The following CDH12 variants were observed in gnomAD, a reference collection of about 807,000 sequenced individuals.
CDH12 encodes the protein cadherin 12, also known as cadherin-12.
CDH12 carries 41 observed loss-of-function variants against 74.1 expected under a neutral mutation model. The ratio of observed to expected loss-of-function variants is 0.55; its 90% confidence interval spans 0.43 to 0.72. The LOEUF (loss-of-function observed/expected upper bound fraction) is 0.72. Ranked by LOEUF, CDH12 falls within the 30% of genes least tolerant of loss-of-function variation. CDH12 has a pLI of 0.00. For synonymous variants in CDH12, 399 were observed against 355.0 expected, an observed-to-expected ratio of 1.12 and a Z score of -1.39; for missense variants, 945 against 977.2, an observed-to-expected ratio of 0.97 and a Z score of 0.44.
At chr5:22,494,899 T>A (rs1373943066) in intron 2 of CDH12, among the ~76,000 whole-genome samples, 1 of 152,338 alleles carries the variant, frequency 6.6e-6, no homozygotes, top group Admixed American at 6.5e-5. Flanking sequence ...GATACATTCA[T>A]GCGTACCTTT....
At chr5:22,404,748 A>G (rs962687285) in intron 3 of CDH12, among the ~76,000 whole-genome samples, 2 of 152,210 alleles carry the variant, frequency 1.3e-5, no homozygotes, top group East Asian at 1.9e-4. Flanking sequence ...AGAGGCCTGC[A>G]TTTAAGGAAT....
chr5:21,789,639 T>C (rs1445960215), intron 10 of CDH12, among the ~76,000 whole-genome samples: 1 of 152,140 alleles, frequency 6.6e-6, no homozygotes, highest in Non-Finnish European at 1.5e-5. Context: ...CATACTCTTT[T>C]CTTGTGAATT....
At chr5:22,108,094 G>A (rs553536414) in intron 4 of CDH12, among the ~76,000 whole-genome samples, 1 of 152,256 alleles carries the variant, frequency 6.6e-6, no homozygotes, top group Admixed American at 6.5e-5. Context: ...AATTTGAATT[G>A]TAATAATCCC....
intron 3 of CDH12, among the ~76,000 whole-genome samples, chr5:22,304,964 C>G (rs1738039977): frequency 1.3e-5 from 2 of 152,120 alleles, no homozygotes; most frequent in South Asian, 4.1e-4. Context: ...TAGAAGGCCC[C>G]AAGGTGTGTG....
At chr5:22,435,274 C>T (rs935707771) in intron 2 of CDH12, among the ~76,000 whole-genome samples, 4 of 152,208 alleles carry the variant, frequency 2.6e-5, no homozygotes, top group African/African-American at 9.6e-5. Context: ...TGCCCTCGAA[C>T]ATCGGACTCC....
chr5:22,254,912 G>T (rs1336663878), intron 3 of CDH12, among the ~76,000 whole-genome samples: 1 of 151,696 alleles, frequency 6.6e-6, no homozygotes, highest in Non-Finnish European at 1.5e-5. Flanking sequence ...CAATCTTTTA[G>T]TTATTTTGAA....
chr5:21,874,876 T>C (rs1751846633), intron 6 of CDH12, among the ~76,000 whole-genome samples: 1 of 152,148 alleles, frequency 6.6e-6, no homozygotes, highest in African/African-American at 2.4e-5. Context: ...AGGTATAACA[T>C]TCATGCATGG....
At chr5:22,475,595 G>A (rs1746134819) in intron 2 of CDH12, among the ~76,000 whole-genome samples, 1 of 151,990 alleles carries the variant, frequency 6.6e-6, no homozygotes, top group African/African-American at 2.4e-5. Flanking sequence ...CAATGCAAGT[G>A]AAGTTAAATC....
chr5:22,012,955 C>T (rs1429238410), intron 5 of CDH12, among the ~76,000 whole-genome samples: 1 of 144,488 alleles, frequency 6.9e-6, no homozygotes, highest in Non-Finnish European at 1.5e-5. Flanking sequence ...AATGCAGATG[C>T]CATGTTTTCA....
chr5:22,686,847 G>A (rs198794), intron 1 of CDH12, among the ~76,000 whole-genome samples: 10,052 of 152,118 alleles, frequency 0.066, 641 homozygotes, highest in African/African-American at 0.16. Context: ...TCTAACCCAA[G>A]GGTTGTCTGC....
At chr5:22,015,697 C>A (rs926149415) in intron 5 of CDH12, among the ~76,000 whole-genome samples, 2 of 152,090 alleles carry the variant, frequency 1.3e-5, no homozygotes, top group African/African-American at 2.4e-5. Context: ...AGAGTCCCAG[C>A]GTAATTTTGC....
intron 1 of CDH12, among the ~76,000 whole-genome samples, chr5:22,661,364 T>C (rs1242491008): frequency 3.9e-5 from 6 of 152,216 alleles, no homozygotes; most frequent in Admixed American, 3.3e-4. Flanking sequence ...TGTTTTGTTT[T>C]CTTTAAATAA....
At chr5:22,282,006 GATACTGGTACCAAAACTGCA>G in intron 3 of CDH12, among the ~76,000 whole-genome samples, 2 of 912 alleles carry the variant, frequency 2.2e-3, no homozygotes, top group South Asian at 0.1. Flanking sequence ...AAAACTGCAT[GATACTGGTACCAAAACTGCA>G]TGATACTGGT....
chr5:21,924,876 T>A lies in CDH12; in HGVS notation c.526+50215A>T, dbSNP rs999991537. Among the ~76,000 whole-genome samples the A allele has an allele frequency of 4.6e-5, 7 of 152,302 alleles. No homozygotes were observed. The East Asian group carries it at 9.7e-4, about 21-fold the overall frequency. On this transcript the variant is annotated intron_variant, in intron 6 of 14. Transcript: ENST00000382254. ...CAGAATTTTCCATTGATACTAGAAA[T>A]AACTATATTATTTGAGATACTCTAT...
intron 8 of CDH12, among the ~76,000 whole-genome samples, chr5:21,831,374 T>G (rs535952183): frequency 1.3e-5 from 2 of 152,296 alleles, no homozygotes; most frequent in South Asian, 4.1e-4. Flanking sequence ...AATGTACAAA[T>G]AGACGGAACC....
intron 8 of CDH12, among the ~76,000 whole-genome samples, chr5:21,831,162 GC>G (rs1388458158): frequency 6.6e-6 from 1 of 152,044 alleles, no homozygotes; most frequent in African/African-American, 2.4e-5. Context: ...TGGATTGAAA[GC>G]CCCATAGTCA....
intron 1 of CDH12, among the ~76,000 whole-genome samples, chr5:22,800,223 G>C (rs1421423058): frequency 6.6e-6 from 1 of 151,962 alleles, no homozygotes; most frequent in African/African-American, 2.4e-5. Flanking sequence ...CACTAGTGTG[G>C]GGCTATTACA....
chr5:22,796,884 A>T (rs189803551), intron 1 of CDH12, among the ~76,000 whole-genome samples: 33 of 152,294 alleles, frequency 2.2e-4, no homozygotes, highest in African/African-American at 6.7e-4. Context: ...ATAGTAAGGA[A>T]TTATATCATA....
intron 3 of CDH12, among the ~76,000 whole-genome samples, chr5:22,312,087 C>A (rs112928020): frequency 6.6e-6 from 1 of 151,952 alleles, no homozygotes; most frequent in Non-Finnish European, 1.5e-5. Flanking sequence ...TTCCACACTA[C>A]GCTCGATTTA....
Sources: gnomAD v4.1 joint callset for allele counts (sites outside exome capture counted in the v4.1 genomes callset) on GRCh38, gnomAD v4.1.1 for gene constraint, MANE v1.5 for transcripts, NCBI Gene and HGNC (gene_info 2026-07-23, HGNC 2026-07-21) for gene names.